KLF13: variants seen among roughly 807,000 people sequenced by gnomAD.
KLF13 encodes Krueppel-like factor 13.
In KLF13, 8 loss-of-function variants were observed where a neutral mutation model predicts 16.7. The observed-to-expected ratio is 0.48, with a 90% confidence interval of 0.28 to 0.87. The LOEUF is 0.87. Among genes scored for constraint, KLF13 ranks in the 40% least tolerant of loss-of-function variants. The probability of loss-of-function intolerance (pLI) is 0.10; values close to 1 mark genes in which losing one functional copy is unlikely to be tolerated. For missense variants in KLF13, 447 were observed against 452.2 expected (o/e 0.99, Z 0.10); for synonymous variants, 245 against 208.4 (o/e 1.18, Z -1.51).
intron 1 of KLF13, among the ~76,000 whole-genome samples, chr15:31,330,842 C>G (rs150414300): frequency 0.011 from 1,670 of 152,348 alleles, 25 homozygotes; most frequent in Admixed American, 0.047. Context: ...TTAGAACTTC[C>G]GAGTCCAGAC....
chr15:31,340,619 C>G (rs980350113), intron 1 of KLF13, among the ~76,000 whole-genome samples: 1 of 152,192 alleles, frequency 6.6e-6, no homozygotes, highest in Non-Finnish European at 1.5e-5. Context: ...TCGTGCTGGG[C>G]ATGGTAGCTC....
At chr15:31,384,749 G>C (rs148989495) in intron 1 of KLF13, among the ~76,000 whole-genome samples, 33 of 152,242 alleles carry the variant, frequency 2.2e-4, no homozygotes, top group African/African-American at 6.7e-4. Context: ...CTGTCCACAC[G>C]TTGGTGCAAA....
At chr15:31,358,688 T>G (rs889535701) in intron 1 of KLF13, among the ~76,000 whole-genome samples, 2 of 152,236 alleles carry the variant, frequency 1.3e-5, no homozygotes, top group Admixed American at 6.5e-5. Context: ...TTTTATCAGC[T>G]AAATAAACCT....
chr15:31,402,924 G>A (rs2040061038), intron 2 of KLF13, among the ~76,000 whole-genome samples: 1 of 148,570 alleles, frequency 6.7e-6, no homozygotes, highest in Non-Finnish European at 1.5e-5. Flanking sequence ...CTCGTGAACT[G>A]TTTTCTTCTT....
At chr15:31,398,818 G>T (rs1467979087) in intron 2 of KLF13, among the ~76,000 whole-genome samples, 1 of 152,170 alleles carries the variant, frequency 6.6e-6, no homozygotes, top group Non-Finnish European at 1.5e-5. Context: ...GACTCTGTGG[G>T]TGGGAAGAGC....
intron 1 of KLF13, among the ~76,000 whole-genome samples, chr15:31,335,040 C>T (rs954688512): frequency 3.3e-5 from 5 of 152,228 alleles, no homozygotes; most frequent in Admixed American, 2.6e-4. Context: ...GCCATAAACA[C>T]GTATGCCTCC....
chr15:31,348,948 CT>C (rs898305569), intron 1 of KLF13, among the ~76,000 whole-genome samples: 44 of 152,234 alleles, frequency 2.9e-4, no homozygotes, highest in African/African-American at 1.0e-3. Flanking sequence ...GGTCTCCTTT[CT>C]AAGGGTACTA....
intron 1 of KLF13, among the ~76,000 whole-genome samples, chr15:31,363,574 C>T (rs1046237112): frequency 6.6e-6 from 1 of 152,356 alleles, no homozygotes; most frequent in East Asian, 1.9e-4. Flanking sequence ...GCAACCTCTG[C>T]CTCCCACGCT....
At chr15:31,394,385 G>T (rs944972120) in intron 2 of KLF13, among the ~76,000 whole-genome samples, 9 of 152,034 alleles carry the variant, frequency 5.9e-5, no homozygotes, top group African/African-American at 7.2e-5. Context: ...TACTCGGGAG[G>T]CTGAGGCGAC....
chr15:31,353,326 A>C (rs2039246086), intron 1 of KLF13, among the ~76,000 whole-genome samples: 1 of 152,124 alleles, frequency 6.6e-6, no homozygotes, highest in South Asian at 2.1e-4. Context: ...AACCTGTCCC[A>C]GGCGTTCTGT....
intron 1 of KLF13, among the ~76,000 whole-genome samples, chr15:31,429,451 A>G (rs897631102): frequency 1.3e-5 from 2 of 152,298 alleles, no homozygotes; most frequent in Middle Eastern, 3.4e-3. Flanking sequence ...ATAGTGAGTT[A>G]TTATTTAATA....
intron 1 of KLF13, among the ~76,000 whole-genome samples, chr15:31,358,122 G>C (rs78178305): frequency 0.14 from 21,595 of 152,074 alleles, 1,740 homozygotes; most frequent in Admixed American, 0.19. Flanking sequence ...TTGTCCAGCT[G>C]TTGGGCAGCC....
intron 2 of KLF13, among the ~76,000 whole-genome samples, chr15:31,399,483 A>G (rs761234012): frequency 1.3e-5 from 2 of 152,176 alleles, no homozygotes; most frequent in Non-Finnish European, 2.9e-5. Context: ...AGTTTTTTGC[A>G]GTCAGCTGTG....
Position 31,423,142 on chromosome 15 carries a change from T to TAC in KLF13, n.118-12227_118-12226dup, listed in dbSNP as rs1566848336. ...ATATACGTATATATACGTATACGTA[T>TAC]ACGTATATATACGTATATATATGTA... On this transcript the variant is annotated intron_variant and non_coding_transcript_variant, in intron 1 of 1. Transcript: ENST00000558225. Among the ~76,000 whole-genome samples, 129 of 101,818 alleles carry TAC rather than the reference T, an allele frequency of 1.3e-3. 2 individuals carry two copies. Among genetic ancestry groups the TAC allele is most frequent in the African/African-American group, 2.8e-3 (37 of 13,254 alleles). The allele number at this position is 101,818 out of a possible 152,430, so 66.8% of individuals were successfully genotyped here.
rs147058907 is a variant in KLF13, at chr15:31,363,400, T to C, written c.578-8610T>C. Among the ~76,000 whole-genome samples the C allele has an allele frequency of 7.0e-3, 1,063 of 152,368 alleles. 6 individuals carry two copies. The highest frequency in any genetic ancestry group is 0.011 in the Non-Finnish European group (775 of 68,032). On this transcript the variant is annotated intron_variant, in intron 1 of 1. Coordinates refer to ENST00000307145, the MANE Select transcript of KLF13 (RefSeq NM_015995.4). ...TGTGATAGGAGCTGCAAATATTTTT[T>C]CTCTCAGTTTTGTCAGTTATCTCTT...
intron 1 of KLF13, among the ~76,000 whole-genome samples, chr15:31,334,444 T>G (rs1038854330): frequency 5.9e-5 from 9 of 151,938 alleles, no homozygotes; most frequent in Non-Finnish European, 1.0e-4. Context: ...TTTTTTTTTT[T>G]GAGACGAAGT....
At chr15:31,368,812 A>G (rs964790645) in intron 1 of KLF13, among the ~76,000 whole-genome samples, 1 of 152,116 alleles carries the variant, frequency 6.6e-6, no homozygotes, top group Non-Finnish European at 1.5e-5. Flanking sequence ...GCAAGACTCT[A>G]TCTCAGATTA....
chr15:31,343,050 C>G (rs2039055317), intron 1 of KLF13, among the ~76,000 whole-genome samples: 1 of 152,230 alleles, frequency 6.6e-6, no homozygotes, highest in East Asian at 1.9e-4. Context: ...TTTCCGCATC[C>G]CCCTGCTGGC....
intron 1 of KLF13, among the ~76,000 whole-genome samples, chr15:31,350,450 CTATG>C (rs940466217): frequency 1.3e-5 from 2 of 152,210 alleles, no homozygotes; most frequent in Non-Finnish European, 2.9e-5. Context: ...AGGAGGGAGT[CTATG>C]TGGTTCTGGG....
Sources: gnomAD v4.1 joint callset for allele counts (sites outside exome capture counted in the v4.1 genomes callset) on GRCh38, gnomAD v4.1.1 for gene constraint, MANE v1.5 for transcripts, NCBI Gene and HGNC (gene_info 2026-07-23, HGNC 2026-07-21) for gene names.